The following DPP10 variants were observed in gnomAD, a reference collection of about 807,000 sequenced individuals.
The protein encoded by DPP10 is dipeptidyl peptidase like 10.
Under a neutral mutation model 120.9 loss-of-function variants are expected in DPP10, and 33 were observed. That is an observed-to-expected ratio of 0.27 (90% CI 0.21 to 0.37). The LOEUF is 0.37. Ranked by LOEUF, DPP10 falls within the 10% of genes least tolerant of loss-of-function variation. DPP10 has a pLI of 1.00. For missense variants in DPP10, 816 were observed against 942.8 expected (o/e 0.87, Z 1.76); for synonymous variants, 337 against 326.1 (o/e 1.03, Z -0.36).
At chr2:115,171,297 G>A (rs967045135) in intron 1 of DPP10, among the ~76,000 whole-genome samples, 2 of 150,754 alleles carry the variant, frequency 1.3e-5, no homozygotes, top group African/African-American at 4.9e-5. Context: ...GGAGGCAGAG[G>A]TTGCTGGGAG....
intron 19 of DPP10, among the ~76,000 whole-genome samples, chr2:115,791,648 G>C (rs930058778): frequency 1.3e-5 from 2 of 152,114 alleles, no homozygotes; most frequent in African/African-American, 4.8e-5. Context: ...CAAGCCCTGC[G>C]CTCTTTATCA....
At chr2:115,717,612 A>T (rs1337906024) in intron 7 of DPP10, among the ~76,000 whole-genome samples, 1 of 152,084 alleles carries the variant, frequency 6.6e-6, no homozygotes, top group African/African-American at 2.4e-5. Flanking sequence ...AAAAATATAT[A>T]TGTATGTATA....
intron 1 of DPP10, among the ~76,000 whole-genome samples, chr2:115,250,778 T>C (rs1365340883): frequency 6.6e-6 from 1 of 152,198 alleles, no homozygotes; most frequent in Non-Finnish European, 1.5e-5. Flanking sequence ...CAAAGTCTTC[T>C]TTGATAACTT....
intron 19 of DPP10, among the ~76,000 whole-genome samples, chr2:115,802,770 G>A (rs867343253): frequency 0.017 from 2,653 of 152,016 alleles, 76 homozygotes; most frequent in African/African-American, 0.059. Context: ...CTGAGTTCTA[G>A]TTTGATTGCA....
In DPP10 at chr2:115,070,739, G is replaced by A. The variant is rs183818016; in HGVS notation, c.61-238500G>A. 1.4e-4 allele frequency among the ~76,000 whole-genome samples: 22 copies of A among 152,260 alleles called. No homozygotes were observed. The East Asian group carries it at 4.2e-3, about 29-fold the overall frequency. On this transcript the variant is annotated intron_variant, in intron 1 of 25. Transcript: ENST00000410059. ...ATACCAATTATAAATATAAGTAAGT[G>A]TAGAATACTAATTTGTTAATTAAAT...
rs190476322 is a variant in DPP10, at chr2:115,599,754, G to A, written c.441+73782G>A. On this transcript the variant is annotated intron_variant, in intron 5 of 25. Transcript: ENST00000410059. ...TGTTAGTTATGCTGAATATATTCTG[G>A]ATTCTGTTCTATTTTACCTCCAACA... Among the ~76,000 whole-genome samples the A allele has an allele frequency of 2.1e-3, 322 of 152,226 alleles. 1 individual carries two copies. Among genetic ancestry groups the A allele is most frequent in the South Asian group, 8.9e-3 (43 of 4,822 alleles).
intron 1 of DPP10, among the ~76,000 whole-genome samples, chr2:114,817,960 T>C (rs745886326): frequency 3.3e-5 from 5 of 152,174 alleles, no homozygotes; most frequent in Non-Finnish European, 7.3e-5. Context: ...TCAAGCCAAT[T>C]CATGTGAAGT....
At chr2:115,449,118 A>G (rs2072882399) in intron 3 of DPP10, among the ~76,000 whole-genome samples, 1 of 152,136 alleles carries the variant, frequency 6.6e-6, no homozygotes, top group Non-Finnish European at 1.5e-5. Flanking sequence ...TTGAGATAAA[A>G]TTAACTCCTC....
At position 115,292,386 on chromosome 2, in the gene DPP10, A is replaced by C. The variant is rs79083895; in HGVS notation, c.61-16853A>C. Among the ~76,000 whole-genome samples the C allele has an allele frequency of 0.01, 1,526 of 152,244 alleles. 100 individuals are homozygous for C. In the East Asian group the frequency reaches 0.17, roughly 17 times the overall value. On this transcript the variant is annotated intron_variant, in intron 1 of 25. Transcript: ENST00000410059. ...CTAAATAGTACCAGAGAAGCCTAGA[A>C]ACTCAAGAAAAACTACTTTTGAAAT...
rs147200065 is a variant in DPP10, at chr2:115,304,946, G to T, written c.61-4293G>T. Among the ~76,000 whole-genome samples, 416 of 152,126 alleles carry T rather than the reference G, an allele frequency of 2.7e-3. 2 individuals are homozygous for T. Among genetic ancestry groups the T allele is most frequent in the Non-Finnish European group, 4.0e-3 (273 of 67,966 alleles). ...AAGGATGATGAGTAATTTGTTGCTG[G>T]TAGATGTAATGTAAATAGTTAGGTT... On this transcript the variant is annotated intron_variant, in intron 1 of 25. Coordinates refer to ENST00000410059, the MANE Select transcript of DPP10 (RefSeq NM_020868.6).
rs1368631988 is a variant in DPP10, at chr2:114,829,474, C to T, written c.60+386636C>T. 2.7e-5 allele frequency among the ~76,000 whole-genome samples: 4 copies of T among 150,602 alleles called. No individual in the cohort carries two copies. In the East Asian group the frequency reaches 6.0e-4, roughly 23 times the overall value. On this transcript the variant is annotated intron_variant, in intron 1 of 25. Transcript: ENST00000410059. ...CCTCGGCTCACTGCAACCTCCGCCT[C>T]CCAGGTTCAAGCAATTCTCCCGCCT... is the stretch of plus-strand genomic sequence containing the variant.
chr2:115,148,257 T>G (rs2051340126), intron 1 of DPP10, among the ~76,000 whole-genome samples: 1 of 152,182 alleles, frequency 6.6e-6, no homozygotes, highest in Non-Finnish European at 1.5e-5. Flanking sequence ...AACTTGGAAT[T>G]CAACAAATAG....
chr2:114,897,357 A>C (rs1693110925), intron 1 of DPP10, among the ~76,000 whole-genome samples: 1 of 152,188 alleles, frequency 6.6e-6, no homozygotes, highest in Non-Finnish European at 1.5e-5. Context: ...CTGTGAATCC[A>C]TCTGGTCCTG....
chr2:114,764,413 A>G (rs577632039), intron 1 of DPP10, among the ~76,000 whole-genome samples: 387 of 152,052 alleles, frequency 2.5e-3, no homozygotes, highest in African/African-American at 9.0e-3. Flanking sequence ...ATACAATTAA[A>G]AAATTTTAAA....
chr2:115,414,894 A>G (rs2069249787), intron 3 of DPP10, among the ~76,000 whole-genome samples: 1 of 118,792 alleles, frequency 8.4e-6, no homozygotes, highest in East Asian at 2.0e-4. Context: ...CTTGGAAGGT[A>G]AGTAAGCACT....
At chr2:115,408,868 T>TTAATG (rs1553588544) in intron 3 of DPP10, among the ~76,000 whole-genome samples, 1 of 151,950 alleles carries the variant, frequency 6.6e-6, no homozygotes, top group Non-Finnish European at 1.5e-5. Flanking sequence ...CATAAAAAAT[T>TTAATG]TAATGTTAAG....
At chr2:115,022,590 G>A (rs746297271) in intron 1 of DPP10, among the ~76,000 whole-genome samples, 4 of 151,974 alleles carry the variant, frequency 2.6e-5, no homozygotes, top group Non-Finnish European at 4.4e-5. Flanking sequence ...GCAATCTATA[G>A]ATTGAATGTA....
At chr2:114,635,964 A>G (rs1046275218) in intron 1 of DPP10, among the ~76,000 whole-genome samples, 3 of 150,892 alleles carry the variant, frequency 2.0e-5, no homozygotes, top group Non-Finnish European at 4.4e-5. Context: ...ATTACTGAGA[A>G]GCTTTCAATG....
chr2:115,087,096 ATTC>A (rs1414188280), intron 1 of DPP10, among the ~76,000 whole-genome samples: 1 of 152,210 alleles, frequency 6.6e-6, no homozygotes, highest in Non-Finnish European at 1.5e-5. Context: ...AGTCGAGCGT[ATTC>A]TTTAATGTGT....
Sources: gnomAD v4.1 joint callset for allele counts (sites outside exome capture counted in the v4.1 genomes callset) on GRCh38, gnomAD v4.1.1 for gene constraint, MANE v1.5 for transcripts, NCBI Gene and HGNC (gene_info 2026-07-23, HGNC 2026-07-21) for gene names.